Variants in PTPRO observed in about 807,000 individuals in gnomAD.
The protein encoded by PTPRO is protein tyrosine phosphatase receptor type O, also known as receptor-type tyrosine-protein phosphatase O.
In PTPRO, 62 loss-of-function variants were observed where a neutral mutation model predicts 145.2. The observed-to-expected ratio is 0.43, with a 90% CI of 0.35 to 0.53. PTPRO has a LOEUF of 0.53. Among genes scored for constraint, PTPRO ranks in the 20% least tolerant of loss-of-function variants. PTPRO has a pLI of 0.01. For missense variants in PTPRO, 1,345 were observed against 1,482.7 expected (o/e 0.91, Z 1.53); for synonymous variants, 565 against 514.7 (o/e 1.10, Z -1.32).
chr12:15,567,153 CA>C (rs913367034), intron 18 of PTPRO, among the ~76,000 whole-genome samples: 33 of 150,878 alleles, frequency 2.2e-4, no homozygotes, highest in African/African-American at 7.3e-4. Flanking sequence ...TACCCACAAG[CA>C]AAAAAAAACT....
intron 19 of PTPRO, among the ~76,000 whole-genome samples, chr12:15,573,814 G>T (rs1203729984): frequency 2.6e-5 from 4 of 152,182 alleles, no homozygotes; most frequent in Non-Finnish European, 5.9e-5. Context: ...CATAGAAGTA[G>T]TGTGCTCCCA....
chr12:15,482,421 G>C (rs1941798686), intron 1 of PTPRO, among the ~76,000 whole-genome samples: 1 of 152,090 alleles, frequency 6.6e-6, no homozygotes, highest in South Asian at 2.1e-4. Context: ...GGATGCAAAA[G>C]TATACCTAGC....
chr12:15,582,613 A>G (rs1416553837), intron 23 of PTPRO, among the ~76,000 whole-genome samples: 1 of 152,212 alleles, frequency 6.6e-6, no homozygotes, highest in Non-Finnish European at 1.5e-5. Flanking sequence ...TGTTCTCATT[A>G]CTTATATTAA....
intron 12 of PTPRO, among the ~76,000 whole-genome samples, chr12:15,535,656 C>T (rs932176601): frequency 2.6e-5 from 4 of 152,224 alleles, no homozygotes; most frequent in East Asian, 1.9e-4. Context: ...ACAGTCATTT[C>T]GTACTTTTTA....
At chr12:15,403,235 G>T (rs1939548966) in intron 1 of PTPRO, among the ~76,000 whole-genome samples, 1 of 152,116 alleles carries the variant, frequency 6.6e-6, no homozygotes, top group Non-Finnish European at 1.5e-5. Context: ...ATTTCTGGCA[G>T]TTCTTTTTCT....
chr12:15,493,700 T>TGTAAATTGC (rs1942045657), intron 2 of PTPRO, among the ~76,000 whole-genome samples: 1 of 152,162 alleles, frequency 6.6e-6, no homozygotes, highest in Non-Finnish European at 1.5e-5. Flanking sequence ...CTAATAGATA[T>TGTAAATTGC]GTAAATTGCC....
intron 1 of PTPRO, among the ~76,000 whole-genome samples, chr12:15,448,154 A>G (rs1940950174): frequency 6.6e-6 from 1 of 152,024 alleles, no homozygotes; most frequent in African/African-American, 2.4e-5. Context: ...TAAGATATCA[A>G]AATGCCAAAC....
chr12:15,560,199 G>A lies in PTPRO; in HGVS notation c.2634G>A (p.Arg878=). The A allele has an allele frequency of 6.3e-7, 1 of 1,583,800 alleles. No individual in the cohort carries two copies. The highest frequency in any genetic ancestry group is 1.7e-5 in the Admixed American group (1 of 59,962). The part of the protein sequence containing the change: ...RDGKLPYNWR[R]SIFAFLTLLP... The stretch of plus-strand genomic sequence containing the variant: ...TGTCTATTAATGCACACAGGCGTAG[G>A]AGTATATTTGCTTTCTTAACCCTGC... The change falls in exon 17 of 27, where the codon AGG becomes AGA. Residue 878 remains arginine (R), a synonymous_variant. Transcript: ENST00000281171.
chr12:15,361,646 G>T (rs989569847), intron 1 of PTPRO, among the ~76,000 whole-genome samples: 2 of 152,026 alleles, frequency 1.3e-5, no homozygotes, highest in African/African-American at 4.8e-5. Context: ...ATTCAGCAGT[G>T]CGTTTAGTTT....
intron 1 of PTPRO, among the ~76,000 whole-genome samples, chr12:15,462,615 A>G (rs1276522590): frequency 6.6e-6 from 1 of 152,214 alleles, no homozygotes. Context: ...CCAAGTAAGC[A>G]CTAAAAATAA....
At chr12:15,430,083 G>T (rs1361627382) in intron 1 of PTPRO, among the ~76,000 whole-genome samples, 1 of 152,132 alleles carries the variant, frequency 6.6e-6, no homozygotes, top group Middle Eastern at 3.4e-3. Flanking sequence ...AGGCATTTCA[G>T]ATAGGAAGTT....
chr12:15,472,988 T>C (rs1187447708), intron 1 of PTPRO, among the ~76,000 whole-genome samples: 1 of 152,184 alleles, frequency 6.6e-6, no homozygotes, highest in Non-Finnish European at 1.5e-5. Flanking sequence ...CACATGAGCA[T>C]CACAGGAAGG....
chr12:15,439,414 C>T (rs1299795917), intron 1 of PTPRO: 1 of 169,494 alleles, frequency 5.9e-6, no homozygotes, highest in African/African-American at 2.4e-5. Context: ...ATCAAAGCCT[C>T]ACTTATCAAT....
chr12:15,428,605 G>T (rs1164754428), intron 1 of PTPRO, among the ~76,000 whole-genome samples: 1 of 151,990 alleles, frequency 6.6e-6, no homozygotes. Context: ...ATCTAAAGAT[G>T]GAAAATTATG....
chr12:15,473,321 C>G (rs1296968752), intron 1 of PTPRO, among the ~76,000 whole-genome samples: 2 of 151,914 alleles, frequency 1.3e-5, no homozygotes, highest in African/African-American at 4.9e-5. Context: ...TAGCATGATG[C>G]CTGTTGCCCG....
At chr12:15,455,981 T>C (rs999832385) in intron 1 of PTPRO, among the ~76,000 whole-genome samples, 1 of 152,196 alleles carries the variant, frequency 6.6e-6, no homozygotes, top group African/African-American at 2.4e-5. Context: ...GTTCTGCACA[T>C]GTATCCCAGA....
chr12:15,512,672 C>A (rs1942466423), intron 7 of PTPRO, among the ~76,000 whole-genome samples: 1 of 152,072 alleles, frequency 6.6e-6, no homozygotes, highest in Admixed American at 6.6e-5. Flanking sequence ...TAATATGCAT[C>A]TTCTTATCAT....
intron 9 of PTPRO, chr12:15,517,169 C>G (rs1942617175): frequency 1.7e-6 from 1 of 602,730 alleles, no homozygotes; most frequent in Admixed American, 2.6e-5. Context: ...TTCCACGTGG[C>G]TGGGGAAGCC....
chr12:15,473,056 C>G (rs367881676), intron 1 of PTPRO, among the ~76,000 whole-genome samples: 3 of 152,166 alleles, frequency 2.0e-5, no homozygotes, highest in African/African-American at 7.2e-5. Flanking sequence ...GACCCAGTGA[C>G]AGGGTAACAT....
Sources: allele counts gnomAD v4.1 joint callset (sites outside exome capture counted in the v4.1 genomes callset), GRCh38; gene constraint gnomAD v4.1.1; transcripts MANE v1.5; gene names NCBI Gene and HGNC (gene_info 2026-07-23, HGNC 2026-07-21).